Variants in C13orf42 observed in about 807,000 individuals in gnomAD.
The protein encoded by C13orf42 is chromosome 13 open reading frame 42.
At chr13:51,122,101 T>C (rs965780470) in intron 1 of C13orf42, among the ~76,000 whole-genome samples, 2 of 152,280 alleles carry the variant, frequency 1.3e-5, no homozygotes, top group Non-Finnish European at 2.9e-5. Context: ...ACACAAATAT[T>C]TTTAGTATAT....
intron 1 of C13orf42, among the ~76,000 whole-genome samples, chr13:51,103,900 C>T (rs1317835569): frequency 5.3e-5 from 8 of 151,956 alleles, no homozygotes; most frequent in South Asian, 4.2e-4. Flanking sequence ...ATGAGGAGTT[C>T]GTGTTCGATG....
chr13:51,151,165 T>C (rs948008000), intron 1 of C13orf42, among the ~76,000 whole-genome samples: 3 of 152,212 alleles, frequency 2.0e-5, no homozygotes, highest in Admixed American at 2.0e-4. Flanking sequence ...TATGCGAATA[T>C]GTTACACCAC....
At chr13:51,168,313 T>C (rs1222177767) in intron 1 of C13orf42, among the ~76,000 whole-genome samples, 1 of 152,216 alleles carries the variant, frequency 6.6e-6, no homozygotes, top group Non-Finnish European at 1.5e-5. Flanking sequence ...TGGTAAAGTC[T>C]TATGTGCCAG....
chr13:51,167,708 T>G (rs1953913264), intron 1 of C13orf42, among the ~76,000 whole-genome samples: 1 of 152,214 alleles, frequency 6.6e-6, no homozygotes, highest in Admixed American at 6.5e-5. Context: ...GGGCTCCATT[T>G]ATTTATTTTT....
intron 1 of C13orf42, among the ~76,000 whole-genome samples, chr13:51,101,501 A>T (rs1217730064): frequency 5.9e-5 from 9 of 152,214 alleles, no homozygotes; most frequent in Non-Finnish European, 1.3e-4. Context: ...CGCAAACCAT[A>T]TTCTATTCCA....
At chr13:51,157,409 G>C (rs545855906) in intron 1 of C13orf42, among the ~76,000 whole-genome samples, 1 of 152,058 alleles carries the variant, frequency 6.6e-6, no homozygotes, top group Non-Finnish European at 1.5e-5. Context: ...ACTCCAGCCT[G>C]GGCGACAGAG....
intron 1 of C13orf42, among the ~76,000 whole-genome samples, chr13:51,143,741 T>C (rs1450772416): frequency 1.3e-5 from 2 of 152,252 alleles, no homozygotes; most frequent in South Asian, 2.1e-4. Flanking sequence ...TTATGAATTA[T>C]GTCTTTTTCT....
At chr13:51,086,437 T>A (rs1953127004) in intron 2 of C13orf42, among the ~76,000 whole-genome samples, 1 of 151,654 alleles carries the variant, frequency 6.6e-6, no homozygotes, top group Non-Finnish European at 1.5e-5. Flanking sequence ...GGCAAAAAAA[T>A]TAAAATGAGT....
intron 2 of C13orf42, among the ~76,000 whole-genome samples, chr13:51,086,458 G>T (rs1953127121): frequency 6.6e-6 from 1 of 151,980 alleles, no homozygotes; most frequent in Non-Finnish European, 1.5e-5. Flanking sequence ...TTGTGAGTTT[G>T]TGTGTGTGTA....
At chr13:51,102,829 T>C (rs1262398820) in intron 1 of C13orf42, among the ~76,000 whole-genome samples, 1 of 152,140 alleles carries the variant, frequency 6.6e-6, no homozygotes, top group Non-Finnish European at 1.5e-5. Flanking sequence ...CTTACAATCA[T>C]GGTAGAAGAT....
At position 51,146,623 on chromosome 13, in the gene C13orf42, T is replaced by C. The variant is rs80017886; in HGVS notation, n.136+25630A>G. On this transcript the variant is annotated intron_variant and non_coding_transcript_variant, in intron 1 of 4. Transcript: ENST00000433280. ...TTTGATCTGGAAAGGCAGAACAACT[T>C]GAAGCAAAGGACTCACAGTGGGGAG... is the stretch of plus-strand genomic sequence containing the variant. Among the ~76,000 whole-genome samples, 80 of 152,286 alleles carry C rather than the reference T, an allele frequency of 5.3e-4. 1 individual carries two copies. Among genetic ancestry groups the C allele is most frequent in the African/African-American group, 1.9e-3 (78 of 41,540 alleles).
chr13:51,108,467 C>T (rs1313790613), intron 1 of C13orf42, among the ~76,000 whole-genome samples: 1 of 152,178 alleles, frequency 6.6e-6, no homozygotes, highest in Middle Eastern at 3.2e-3. Context: ...CATGGGCCAC[C>T]CCACCAGCCA....
In C13orf42 at chr13:51,107,264, G is replaced by T. The variant is rs148163006; in HGVS notation, c.414+3532C>A. 3.2e-3 allele frequency among the ~76,000 whole-genome samples: 494 copies of T among 152,272 alleles called. 2 individuals are homozygous for T. Among genetic ancestry groups the T allele is most frequent in the African/African-American group, 0.011 (461 of 41,552 alleles). On this transcript the variant is annotated intron_variant, in intron 1 of 3. Coordinates refer to ENST00000563710, the MANE Select transcript of C13orf42 (RefSeq NM_001351589.3). ...CCAGAGCATGAAAGCCATATGTCTT[G>T]ATCCAGTAATGGCTTGTGAAATCAA...
intron 1 of C13orf42, among the ~76,000 whole-genome samples, chr13:51,160,930 A>G (rs1953859407): frequency 6.6e-6 from 1 of 150,972 alleles, no homozygotes; most frequent in African/African-American, 2.4e-5. Flanking sequence ...CATAGTAAGA[A>G]AAAGAAAGAA....
chr13:51,124,502 C>T (rs530209612), intron 1 of C13orf42, among the ~76,000 whole-genome samples: 1 of 152,326 alleles, frequency 6.6e-6, no homozygotes, highest in South Asian at 2.1e-4. Context: ...GTCAGCTTTT[C>T]ATCACTTTCA....
intron 1 of C13orf42, among the ~76,000 whole-genome samples, chr13:51,110,134 T>A (rs1953411143): frequency 6.6e-6 from 1 of 152,222 alleles, no homozygotes; most frequent in Non-Finnish European, 1.5e-5. Context: ...GGAGGAATTT[T>A]CCAGTTGTTT....
chr13:51,153,818 G>A (rs1280374097), intron 1 of C13orf42, among the ~76,000 whole-genome samples: 1 of 151,714 alleles, frequency 6.6e-6, no homozygotes, highest in East Asian at 1.9e-4. Context: ...ATGTTTAGTA[G>A]AGAAAGGATT....
chr13:51,116,086 C>T (rs945941051), upstream of C13orf42, among the ~76,000 whole-genome samples: 7 of 151,656 alleles, frequency 4.6e-5, no homozygotes, highest in Admixed American at 6.6e-5. Context: ...AAAAAAAAGT[C>T]CTTGTAAGCA....
intron 1 of C13orf42, among the ~76,000 whole-genome samples, chr13:51,121,232 G>A (rs983285929): frequency 6.6e-6 from 1 of 152,104 alleles, no homozygotes; most frequent in African/African-American, 2.4e-5. Context: ...CAGAGACCTA[G>A]AACGGTGCCA....
Sources: allele counts gnomAD v4.1 joint callset (sites outside exome capture counted in the v4.1 genomes callset), GRCh38; gene constraint gnomAD v4.1.1; transcripts MANE v1.5; gene names NCBI Gene and HGNC (gene_info 2026-07-23, HGNC 2026-07-21).